ENTREP2: variants seen among roughly 807,000 people sequenced by gnomAD.
The protein encoded by ENTREP2 is protein ENTREP2.
At chr15:29,674,001 A>T in the ENTREP2 span, among the ~76,000 whole-genome samples, 1 of 152,020 alleles carries the variant, frequency 6.6e-6, no homozygotes, top group Non-Finnish European at 1.5e-5. Flanking sequence ...GAGAAACCAG[A>T]GTGTGTGGTC....
the ENTREP2 span, among the ~76,000 whole-genome samples, chr15:29,626,997 CTT>C: frequency 6.6e-6 from 1 of 152,102 alleles, no homozygotes; most frequent in Non-Finnish European, 1.5e-5. Context: ...GATTTCTGCT[CTT>C]CTCTTTGTTA....
chr15:29,225,835 T>C, the ENTREP2 span, among the ~76,000 whole-genome samples: 1 of 152,204 alleles, frequency 6.6e-6, no homozygotes, highest in Non-Finnish European at 1.5e-5. Flanking sequence ...ACCACTTCCC[T>C]GCATCCTTTA....
chr15:29,171,525 C>T, the ENTREP2 span, among the ~76,000 whole-genome samples: 1 of 152,064 alleles, frequency 6.6e-6, no homozygotes, highest in African/African-American at 2.4e-5. Flanking sequence ...CTCCCTCCTG[C>T]CCCCAGCAAG....
the ENTREP2 span, among the ~76,000 whole-genome samples, chr15:29,299,883 G>C: frequency 7.7e-3 from 1,156 of 150,590 alleles, 11 homozygotes; most frequent in African/African-American, 0.026. Flanking sequence ...GGTGGGGGAT[G>C]GATGGATGGA....
At chr15:29,254,730 G>A in the ENTREP2 span, among the ~76,000 whole-genome samples, 23 of 152,156 alleles carry the variant, frequency 1.5e-4, no homozygotes, top group East Asian at 2.9e-3. Context: ...GGTGCTGCGC[G>A]CCTGTAATCC....
At chr15:29,121,339 G>A in the ENTREP2 span, 1 of 152,328 alleles carries the variant, frequency 6.6e-6, no homozygotes. Flanking sequence ...GTGGCTGGTG[G>A]TCTTGGCCTC....
chr15:29,305,891 C>G, the ENTREP2 span, among the ~76,000 whole-genome samples: 1 of 152,206 alleles, frequency 6.6e-6, no homozygotes, highest in Admixed American at 6.5e-5. Context: ...GAGGAAGACT[C>G]GGGGCTTCGT....
At chr15:29,583,626 T>G in the ENTREP2 span, among the ~76,000 whole-genome samples, 1 of 152,208 alleles carries the variant, frequency 6.6e-6, no homozygotes, top group Non-Finnish European at 1.5e-5. Flanking sequence ...ATCCTACACA[T>G]GTACCCTGGA....
the ENTREP2 span, chr15:29,195,350 G>T: frequency 1.0e-6 from 1 of 984,362 alleles, no homozygotes; most frequent in South Asian, 4.7e-5. Flanking sequence ...CTAATCACAA[G>T]CACTCAAGGT....
chr15:29,435,863 AC>A, the ENTREP2 span, among the ~76,000 whole-genome samples: 8 of 151,826 alleles, frequency 5.3e-5, no homozygotes, highest in African/African-American at 1.9e-4. Flanking sequence ...AAGATGGAAG[AC>A]CTCCATCCTG....
the ENTREP2 span, among the ~76,000 whole-genome samples, chr15:29,304,996 C>T: frequency 6.6e-6 from 1 of 152,148 alleles, no homozygotes; most frequent in African/African-American, 2.4e-5. Context: ...CCAACTGTAC[C>T]ACGTTCTACT....
the ENTREP2 span, among the ~76,000 whole-genome samples, chr15:29,546,633 T>A: frequency 6.6e-6 from 1 of 152,122 alleles, no homozygotes; most frequent in African/African-American, 2.4e-5. Context: ...ATGCCTGTAA[T>A]CCCAGCACTT....
the ENTREP2 span, among the ~76,000 whole-genome samples, chr15:29,568,253 T>C: frequency 6.6e-6 from 1 of 152,188 alleles, no homozygotes; most frequent in East Asian, 1.9e-4. Flanking sequence ...GGGTGGGAGA[T>C]GGAGGACTCA....
At chr15:29,576,831 G>A in the ENTREP2 span, among the ~76,000 whole-genome samples, 15 of 152,100 alleles carry the variant, frequency 9.9e-5, no homozygotes, top group East Asian at 5.8e-4. Flanking sequence ...TTTTTGAGAC[G>A]GAGTCTCGCT....
the ENTREP2 span, among the ~76,000 whole-genome samples, chr15:29,359,231 G>C: frequency 1.3e-5 from 2 of 152,218 alleles, no homozygotes; most frequent in South Asian, 2.1e-4. Context: ...GAACACGAAG[G>C]AGTGTTTTCT....
the ENTREP2 span, chr15:29,269,761 A>C: frequency 7.2e-7 from 1 of 1,384,658 alleles, no homozygotes; most frequent in Non-Finnish European, 9.4e-7. Context: ...CGCGGCGGGG[A>C]TTGCGGGTCG....
chr15:29,451,256 G>T, the ENTREP2 span, among the ~76,000 whole-genome samples: 2 of 152,164 alleles, frequency 1.3e-5, no homozygotes, highest in African/African-American at 4.8e-5. Flanking sequence ...CTGATGATGG[G>T]GGGTGGCAGC....
At chr15:29,341,225 C>T in the ENTREP2 span, among the ~76,000 whole-genome samples, 5 of 152,236 alleles carry the variant, frequency 3.3e-5, no homozygotes, top group Non-Finnish European at 2.9e-5. Flanking sequence ...CTAATTTCCA[C>T]CCTACTCACT....
At chr15:29,382,434 C>G in the ENTREP2 span, among the ~76,000 whole-genome samples, 1 of 152,016 alleles carries the variant, frequency 6.6e-6, no homozygotes, top group South Asian at 2.1e-4. Context: ...CCTTCTCTCC[C>G]CTCCAGCCCC....
Sources: gnomAD v4.1 joint callset for allele counts (sites outside exome capture counted in the v4.1 genomes callset) on GRCh38, gnomAD v4.1.1 for gene constraint, MANE v1.5 for transcripts, NCBI Gene and HGNC (gene_info 2026-07-23, HGNC 2026-07-21) for gene names.